ASIC2: variants seen among roughly 807,000 people sequenced by gnomAD.
ASIC2 encodes acid sensing ion channel subunit 2, also known as acid-sensing ion channel 2.
A neutral mutation model predicts 57.3 loss-of-function variants in ASIC2; 25 were observed. The observed-to-expected ratio is 0.44, with a 90% CI of 0.32 to 0.61. The LOEUF (loss-of-function observed/expected upper bound fraction) is 0.61, where lower values mean the gene tolerates loss of function less well. Among genes scored for constraint, ASIC2 ranks in the 20% least tolerant of loss-of-function variants. ASIC2 has a pLI of 0.06. For synonymous variants in ASIC2, 319 were observed against 307.5 expected (o/e 1.04, Z -0.39); for missense variants, 641 against 738.1 (o/e 0.87, Z 1.52).
chr17:33,819,456 A>G (rs1297352280), intron 1 of ASIC2, among the ~76,000 whole-genome samples: 1 of 152,232 alleles, frequency 6.6e-6, no homozygotes, highest in African/African-American at 2.4e-5. Context: ...AGATACATTT[A>G]TGCCAAGACA....
chr17:33,703,862 G>A (rs1908783051), intron 1 of ASIC2, among the ~76,000 whole-genome samples: 1 of 152,168 alleles, frequency 6.6e-6, no homozygotes, highest in Non-Finnish European at 1.5e-5. Flanking sequence ...GGCCAGGCCA[G>A]AGCTCCTAAG....
intron 1 of ASIC2, among the ~76,000 whole-genome samples, chr17:33,401,249 A>G (rs1910276576): frequency 6.6e-6 from 1 of 152,256 alleles, no homozygotes; most frequent in African/African-American, 2.4e-5. Context: ...TGTTGGAAGA[A>G]GAGAACCAGA....
At chr17:33,515,639 C>A (rs1914543109) in intron 1 of ASIC2, among the ~76,000 whole-genome samples, 1 of 152,154 alleles carries the variant, frequency 6.6e-6, no homozygotes, top group African/African-American at 2.4e-5. Flanking sequence ...CTTGTCTGAC[C>A]CACGGCTTCT....
chr17:33,782,315 T>C (rs1911478495), intron 1 of ASIC2, among the ~76,000 whole-genome samples: 1 of 152,140 alleles, frequency 6.6e-6, no homozygotes, highest in Non-Finnish European at 1.5e-5. Flanking sequence ...TGTGGTCCTC[T>C]TTGAATTAGT....
intron 1 of ASIC2, among the ~76,000 whole-genome samples, chr17:33,271,817 T>A (rs1904503957): frequency 2.6e-5 from 4 of 152,224 alleles, no homozygotes. Flanking sequence ...GTATATTAAC[T>A]CATGGCACTC....
At chr17:34,082,770 T>C (rs1267536232) in intron 1 of ASIC2, among the ~76,000 whole-genome samples, 1 of 152,260 alleles carries the variant, frequency 6.6e-6, no homozygotes, top group Non-Finnish European at 1.5e-5. Flanking sequence ...CTACCACTTT[T>C]AAGTTGAGGC....
chr17:34,155,800 G>T lies in ASIC2; in HGVS notation c.555+178C>A, dbSNP rs1904697364. 4 of 677,962 alleles carry T rather than the reference G, an allele frequency of 5.9e-6. No homozygotes were observed. In the South Asian group the frequency reaches 7.8e-5, roughly 13 times the overall value. 42.0% of individuals were successfully genotyped at this position (677,962 alleles called of 1,614,324 possible). On this transcript the variant is annotated intron_variant, in intron 1 of 9. Transcript: ENST00000359872. ...TGACAGCAGTGCTCTATCCTGGCCG[G>T]TAGCCTTCCCTGCAACCAGCTCGCA...
At chr17:33,472,665 T>C (rs1013618233) in intron 1 of ASIC2, among the ~76,000 whole-genome samples, 1 of 152,082 alleles carries the variant, frequency 6.6e-6, no homozygotes, top group Non-Finnish European at 1.5e-5. Context: ...CAGAACATCT[T>C]GGCAATGGAA....
intron 1 of ASIC2, among the ~76,000 whole-genome samples, chr17:33,570,608 T>C (rs780820495): frequency 2.0e-5 from 3 of 152,238 alleles, no homozygotes; most frequent in Non-Finnish European, 2.9e-5. Flanking sequence ...TCTTTGAGTG[T>C]TACCATTTTA....
At chr17:33,909,367 A>G (rs1567753302) in intron 1 of ASIC2, among the ~76,000 whole-genome samples, 1 of 152,278 alleles carries the variant, frequency 6.6e-6, no homozygotes, top group Non-Finnish European at 1.5e-5. Flanking sequence ...AAATAAAAGA[A>G]GCAATTTAAG....
intron 1 of ASIC2, among the ~76,000 whole-genome samples, chr17:33,980,165 G>A (rs548980818): frequency 5.9e-5 from 9 of 152,024 alleles, no homozygotes; most frequent in South Asian, 2.1e-4. Flanking sequence ...AAGCATAAGC[G>A]GTTAGATCCA....
At chr17:33,191,864 A>G (rs896739595) in intron 1 of ASIC2, among the ~76,000 whole-genome samples, 3 of 152,106 alleles carry the variant, frequency 2.0e-5, no homozygotes, top group Admixed American at 6.5e-5. Flanking sequence ...TTCCTATCTC[A>G]TCGGCCAGAA....
At chr17:33,432,299 TG>T (rs1391597156) in intron 1 of ASIC2, among the ~76,000 whole-genome samples, 2 of 152,210 alleles carry the variant, frequency 1.3e-5, no homozygotes, top group Admixed American at 1.3e-4. Flanking sequence ...GAGGATTGCT[TG>T]GGCTCAGGAT....
At chr17:33,127,830 CA>C (rs1329484331) in intron 1 of ASIC2, among the ~76,000 whole-genome samples, 1 of 152,142 alleles carries the variant, frequency 6.6e-6, no homozygotes, top group Admixed American at 6.5e-5. Context: ...AGATGTTTTT[CA>C]AAAGCAAACG....
chr17:33,535,468 G>A (rs905437640), intron 1 of ASIC2, among the ~76,000 whole-genome samples: 10 of 151,694 alleles, frequency 6.6e-5, no homozygotes, highest in South Asian at 2.1e-4. Flanking sequence ...TAGTAGAGAC[G>A]GGTTTCATCG....
At chr17:33,514,289 C>T (rs1914505904) in intron 1 of ASIC2, among the ~76,000 whole-genome samples, 1 of 152,144 alleles carries the variant, frequency 6.6e-6, no homozygotes, top group Non-Finnish European at 1.5e-5. Context: ...CACAGCAAGG[C>T]CCCAATGAAC....
Position 33,472,719 on chromosome 17 carries a change from T to G in ASIC2, c.556-360652A>C, listed in dbSNP as rs151164173. Among the ~76,000 whole-genome samples, 37 of 152,032 alleles carry G rather than the reference T, an allele frequency of 2.4e-4. 1 individual carries two copies. In the East Asian group the frequency reaches 6.8e-3, roughly 28 times the overall value. On this transcript the variant is annotated intron_variant, in intron 1 of 9. Coordinates refer to the ASIC2 transcript ENST00000359872. ...TTCTGGCTGGATGGAGGTGCTTGCC[T>G]AGAGAAGGAAGGAAACAAGAAAACA...
chr17:33,198,841 C>T (rs1487036305), intron 1 of ASIC2, among the ~76,000 whole-genome samples: 1 of 152,218 alleles, frequency 6.6e-6, no homozygotes, highest in African/African-American at 2.4e-5. Flanking sequence ...CAATCTTCTT[C>T]TTGGTAGCAA....
intron 1 of ASIC2, among the ~76,000 whole-genome samples, chr17:33,585,156 A>G (rs1431370227): frequency 6.6e-6 from 1 of 152,124 alleles, no homozygotes; most frequent in African/African-American, 2.4e-5. Flanking sequence ...ATTTGTTCAA[A>G]GTGGCCTGAG....
Sources: gnomAD v4.1 joint callset for allele counts (sites outside exome capture counted in the v4.1 genomes callset) on GRCh38, gnomAD v4.1.1 for gene constraint, MANE v1.5 for transcripts, NCBI Gene and HGNC (gene_info 2026-07-23, HGNC 2026-07-21) for gene names.